GPC5: variants seen among roughly 807,000 people sequenced by gnomAD.
GPC5 encodes glypican-5.
A neutral mutation model predicts 53.9 loss-of-function variants in GPC5; 47 were observed. The ratio of observed to expected loss-of-function variants is 0.87; its 90% CI spans 0.69 to 1.11. The LOEUF (loss-of-function observed/expected upper bound fraction) is 1.11, where lower values mean the gene tolerates loss of function less well. Among genes scored for constraint, GPC5 ranks in the 50% most tolerant of loss-of-function variants. GPC5 has a pLI of 0.00. For synonymous variants in GPC5, 286 were observed against 263.3 expected (o/e 1.09, Z -0.84); for missense variants, 748 against 713.1 (o/e 1.05, Z -0.56).
At chr13:91,522,319 T>C (rs1885862258) in intron 2 of GPC5, among the ~76,000 whole-genome samples, 1 of 152,172 alleles carries the variant, frequency 6.6e-6, no homozygotes, top group Admixed American at 6.5e-5. Flanking sequence ...GGGCTTCAAT[T>C]CCTTAGCATA....
intron 2 of GPC5, among the ~76,000 whole-genome samples, chr13:91,626,669 TTATA>T (rs966933009): frequency 3.3e-5 from 5 of 151,814 alleles, no homozygotes; most frequent in Non-Finnish European, 7.4e-5. Flanking sequence ...TTTTATTTGT[TTATA>T]TATATATTTA....
chr13:91,736,344 T>C (rs1239756162), intron 4 of GPC5, among the ~76,000 whole-genome samples: 1 of 151,404 alleles, frequency 6.6e-6, no homozygotes, highest in East Asian at 1.9e-4. Flanking sequence ...ATGAAAAGTG[T>C]TTTTTAAAAT....
At chr13:91,975,468 A>T (rs868720645) in intron 6 of GPC5, among the ~76,000 whole-genome samples, 1 of 152,222 alleles carries the variant, frequency 6.6e-6, no homozygotes, top group Non-Finnish European at 1.5e-5. Context: ...AAGGATATGA[A>T]CAGACACTCC....
At chr13:91,532,544 A>C (rs1198478635) in intron 2 of GPC5, among the ~76,000 whole-genome samples, 2 of 152,134 alleles carry the variant, frequency 1.3e-5, no homozygotes, top group African/African-American at 4.8e-5. Context: ...TGAAGAAATT[A>C]GTTGGTAAGG....
At chr13:92,804,209 T>G (rs1877013228) in intron 7 of GPC5, among the ~76,000 whole-genome samples, 1 of 151,962 alleles carries the variant, frequency 6.6e-6, no homozygotes, top group Admixed American at 6.6e-5. Context: ...AGCCCTTGGA[T>G]GAAGAAATTT....
intron 7 of GPC5, among the ~76,000 whole-genome samples, chr13:92,595,481 A>G (rs1300995415): frequency 1.3e-5 from 2 of 152,186 alleles, no homozygotes; most frequent in African/African-American, 4.8e-5. Context: ...AAAAGATAGT[A>G]TTTACGGCCG....
At chr13:92,794,924 A>G (rs569541357) in intron 7 of GPC5, among the ~76,000 whole-genome samples, 1 of 152,310 alleles carries the variant, frequency 6.6e-6, no homozygotes, top group East Asian at 1.9e-4. Flanking sequence ...GCTCACGTAT[A>G]TGAAGAATCA....
intron 7 of GPC5, among the ~76,000 whole-genome samples, chr13:92,151,985 G>C (rs1566458252): frequency 6.6e-6 from 1 of 152,144 alleles, no homozygotes; most frequent in Non-Finnish European, 1.5e-5. Flanking sequence ...TTTGGTTTCA[G>C]CAACTGACAA....
chr13:92,360,273 CCAT>C (rs1338548081), intron 7 of GPC5, among the ~76,000 whole-genome samples: 2 of 151,564 alleles, frequency 1.3e-5, no homozygotes, highest in Non-Finnish European at 2.9e-5. Flanking sequence ...AAAATCGAAT[CCAT>C]CATAATCAAG....
chr13:91,706,058 T>C (rs1281759469), intron 3 of GPC5, among the ~76,000 whole-genome samples: 1 of 152,032 alleles, frequency 6.6e-6, no homozygotes, highest in Admixed American at 6.6e-5. Flanking sequence ...TTTTTGTGTT[T>C]TTAGTAGAGA....
intron 2 of GPC5, among the ~76,000 whole-genome samples, chr13:91,522,660 A>T (rs1239870221): frequency 6.6e-6 from 1 of 151,438 alleles, no homozygotes; most frequent in African/African-American, 2.4e-5. Context: ...GCTATCCCTC[A>T]CCCTACCCCC....
chr13:92,759,605 GT>G (rs1425800333), intron 7 of GPC5, among the ~76,000 whole-genome samples: 1 of 152,008 alleles, frequency 6.6e-6, no homozygotes, highest in Admixed American at 6.6e-5. Flanking sequence ...GGGTTGAACA[GT>G]TTTTTGGTGG....
intron 2 of GPC5, among the ~76,000 whole-genome samples, chr13:91,498,696 G>A (rs1454669702): frequency 6.6e-6 from 1 of 152,038 alleles, no homozygotes; most frequent in African/African-American, 2.4e-5. Flanking sequence ...AGCTGTAGGG[G>A]AGCCAGTTAG....
chr13:91,847,850 C>T (rs937753225), intron 5 of GPC5, among the ~76,000 whole-genome samples: 2 of 151,918 alleles, frequency 1.3e-5, no homozygotes, highest in Non-Finnish European at 2.9e-5. Flanking sequence ...AAATACATAC[C>T]TTTTAGTGAC....
chr13:92,195,547 C>T (rs1011698554), intron 7 of GPC5, among the ~76,000 whole-genome samples: 1 of 152,128 alleles, frequency 6.6e-6, no homozygotes, highest in Non-Finnish European at 1.5e-5. Context: ...CATAACTACA[C>T]TGCATTCCCA....
intron 5 of GPC5, 21 bp from the exon 6 acceptor site, chr13:91,907,916 C>G (rs1228016649): frequency 6.3e-7 from 1 of 1,593,050 alleles, no homozygotes; most frequent in South Asian, 1.1e-5. Flanking sequence ...TAAGTCATAT[C>G]TTTCACATTT....
intron 5 of GPC5, among the ~76,000 whole-genome samples, chr13:91,832,100 CTT>C (rs763442280): frequency 3.3e-5 from 5 of 151,904 alleles, no homozygotes; most frequent in Non-Finnish European, 7.4e-5. Flanking sequence ...GTTTAAATCT[CTT>C]TGTAGGTCTC....
chr13:92,436,164 T>C (rs1196115329), intron 7 of GPC5, among the ~76,000 whole-genome samples: 2 of 152,178 alleles, frequency 1.3e-5, no homozygotes, highest in Non-Finnish European at 2.9e-5. Context: ...GGCACAGATT[T>C]TAGTTTTGTG....
chr13:92,699,046 G>T (rs562955871), intron 7 of GPC5, among the ~76,000 whole-genome samples: 1 of 152,010 alleles, frequency 6.6e-6, no homozygotes, highest in Admixed American at 6.6e-5. Context: ...CTGTGAATCC[G>T]TCTGGTCCTA....
Sources: gnomAD v4.1 joint callset for allele counts (sites outside exome capture counted in the v4.1 genomes callset) on GRCh38, gnomAD v4.1.1 for gene constraint, MANE v1.5 for transcripts, NCBI Gene and HGNC (gene_info 2026-07-23, HGNC 2026-07-21) for gene names.